SORCS1: variants seen among roughly 807,000 people sequenced by gnomAD.
The protein encoded by SORCS1 is sortilin related VPS10 domain containing receptor 1, also known as VPS10 domain-containing receptor SorCS1.
SORCS1 carries 60 observed loss-of-function variants against 146.1 expected under a neutral mutation model. That is an observed-to-expected ratio of 0.41 (90% CI 0.33 to 0.51). The LOEUF is 0.51. Ranked by LOEUF, SORCS1 falls within the 20% of genes least tolerant of loss-of-function variation. SORCS1 has a pLI of 0.21. For missense variants in SORCS1, 1,352 were observed against 1,487.6 expected, an observed-to-expected ratio of 0.91 and a Z score of 1.50; for synonymous variants, 637 against 584.0, an observed-to-expected ratio of 1.09 and a Z score of -1.31.
At chr10:106,597,808 T>G (rs1845994907) in intron 23 of SORCS1, among the ~76,000 whole-genome samples, 1 of 152,220 alleles carries the variant, frequency 6.6e-6, no homozygotes, top group Admixed American at 6.5e-5. Flanking sequence ...CACATTCCGA[T>G]AAGATTAATA....
At chr10:106,873,702 C>T (rs943775699) in intron 2 of SORCS1, among the ~76,000 whole-genome samples, 1 of 152,150 alleles carries the variant, frequency 6.6e-6, no homozygotes, top group Non-Finnish European at 1.5e-5. Flanking sequence ...ATATATCCTC[C>T]AATTCACCTC....
chr10:106,967,791 G>A (rs1955568805), intron 1 of SORCS1, among the ~76,000 whole-genome samples: 1 of 152,024 alleles, frequency 6.6e-6, no homozygotes, highest in South Asian at 2.1e-4. Context: ...ACTCAAATTA[G>A]CTCACCTGAT....
intron 3 of SORCS1, among the ~76,000 whole-genome samples, chr10:106,777,942 C>T (rs1860580822): frequency 6.6e-6 from 1 of 152,158 alleles, no homozygotes; most frequent in African/African-American, 2.4e-5. Flanking sequence ...GAAATCACTG[C>T]AGCCCAAGGA....
At chr10:107,063,455 T>C (rs994044519) in intron 1 of SORCS1, among the ~76,000 whole-genome samples, 2 of 152,212 alleles carry the variant, frequency 1.3e-5, no homozygotes, top group Non-Finnish European at 1.5e-5. Context: ...TAAAAGCTGG[T>C]AGCTTTTCCC....
At chr10:106,929,839 A>G (rs922886625) in intron 2 of SORCS1, among the ~76,000 whole-genome samples, 1 of 152,238 alleles carries the variant, frequency 6.6e-6, no homozygotes, top group Non-Finnish European at 1.5e-5. Flanking sequence ...CCCAGCAAGA[A>G]AGATGAAAAT....
At chr10:106,679,183 C>T in intron 12 of SORCS1, 73 bp downstream of exon 12, 2 of 1,196,730 alleles carry the variant, frequency 1.7e-6, no homozygotes, top group Non-Finnish European at 2.4e-6. Context: ...AAAAAAGTTC[C>T]CAGATTTGAA....
chr10:106,741,650 G>A (rs1246017159), intron 5 of SORCS1, among the ~76,000 whole-genome samples: 1 of 151,562 alleles, frequency 6.6e-6, no homozygotes, highest in Non-Finnish European at 1.5e-5. Context: ...GAGAGAGAGA[G>A]AATGGAAAAT....
At chr10:106,891,061 T>C (rs1156928475) in intron 2 of SORCS1, among the ~76,000 whole-genome samples, 2 of 152,202 alleles carry the variant, frequency 1.3e-5, no homozygotes, top group Non-Finnish European at 2.9e-5. Flanking sequence ...CTTCTGAATT[T>C]ATCCCCTACT....
At chr10:106,631,450 A>G (rs940226776) in intron 18 of SORCS1, among the ~76,000 whole-genome samples, 3 of 152,244 alleles carry the variant, frequency 2.0e-5, no homozygotes, top group African/African-American at 7.2e-5. Context: ...AGTTTTCAAC[A>G]GAGTTGCTGG....
chr10:107,168,287 CT>C (rs1274210924), upstream of SORCS1, among the ~76,000 whole-genome samples: 2 of 152,186 alleles, frequency 1.3e-5, no homozygotes, highest in African/African-American at 4.8e-5. Flanking sequence ...CTTAGAGAGA[CT>C]TTTCCTGAAC....
intron 6 of SORCS1, among the ~76,000 whole-genome samples, chr10:106,709,804 T>C (rs1564884541): frequency 6.6e-6 from 1 of 152,292 alleles, no homozygotes; most frequent in Admixed American, 6.5e-5. Context: ...GTTATTGTCA[T>C]TGTTATTATT....
chr10:106,643,365 G>A (rs1191631560), intron 18 of SORCS1, among the ~76,000 whole-genome samples: 1 of 152,218 alleles, frequency 6.6e-6, no homozygotes, highest in Non-Finnish European at 1.5e-5. Flanking sequence ...GACACTCTGT[G>A]TCTCTTCATT....
intron 1 of SORCS1, among the ~76,000 whole-genome samples, chr10:107,145,839 G>A (rs1383467838): frequency 6.6e-6 from 1 of 152,162 alleles, no homozygotes; most frequent in Non-Finnish European, 1.5e-5. Context: ...TTCCAGGTGA[G>A]AGAAGAAATT....
intron 1 of SORCS1, among the ~76,000 whole-genome samples, chr10:107,035,275 ACAAC>A (rs1378761575): frequency 1.2e-4 from 16 of 134,448 alleles, no homozygotes; most frequent in African/African-American, 2.8e-4. Flanking sequence ...AAAAAAAAAA[ACAAC>A]AAAAAAAAAA....
chr10:107,005,504 AAGAC>A (rs1052177275), intron 1 of SORCS1, among the ~76,000 whole-genome samples: 14 of 152,338 alleles, frequency 9.2e-5, no homozygotes, highest in South Asian at 6.2e-4. Context: ...TTTTAACTGA[AAGAC>A]AGGAATTTTT....
Position 106,699,277 on chromosome 10 carries a change from C to A in SORCS1, c.1350G>T (p.Leu450=), listed in dbSNP as rs746707670. ...ISDTRGVYFT[L]ALENVQSSRG... ...TGCTGCTCTGGACATTCTCCAAGGC[C>A]AGGGTGAAGTAGACACCACGTGTGT... Residue 450 remains leucine (L), a synonymous_variant, in exon 9 of 26, where the codon CTG becomes CTT. Coordinates refer to ENST00000263054, the MANE Select transcript of SORCS1 (RefSeq NM_052918.5). 6.2e-7 allele frequency: 1 copy of A among 1,613,954 alleles called. No individual in the cohort carries two copies. The highest frequency in any genetic ancestry group is 1.1e-5 in the South Asian group (1 of 91,054).
chr10:106,820,664 T>C (rs887397212), intron 3 of SORCS1, among the ~76,000 whole-genome samples: 21 of 152,156 alleles, frequency 1.4e-4, no homozygotes, highest in African/African-American at 4.3e-4. Context: ...GAGTGAAACA[T>C]CTCCACCCTA....
chr10:106,796,063 T>C (rs1946540219), intron 3 of SORCS1, among the ~76,000 whole-genome samples: 1 of 152,224 alleles, frequency 6.6e-6, no homozygotes, highest in Non-Finnish European at 1.5e-5. Flanking sequence ...TAAATTGATA[T>C]TACATTTTCC....
intron 10 of SORCS1, among the ~76,000 whole-genome samples, chr10:106,680,243 A>C (rs1429581852): frequency 1.3e-5 from 2 of 152,220 alleles, no homozygotes; most frequent in Non-Finnish European, 2.9e-5. Context: ...GAGTAACAGC[A>C]ATAACAAAGA....
Sources: allele counts gnomAD v4.1 joint callset (sites outside exome capture counted in the v4.1 genomes callset), GRCh38; gene constraint gnomAD v4.1.1; transcripts MANE v1.5; gene names NCBI Gene and HGNC (gene_info 2026-07-23, HGNC 2026-07-21).